The following ARMH3 variants were observed in gnomAD, a reference collection of about 807,000 sequenced individuals.
The protein encoded by ARMH3 is armadillo-like helical domain-containing protein 3.
In ARMH3, 60 loss-of-function variants were observed where a neutral mutation model predicts 99.1. The observed-to-expected ratio is 0.61, with a 90% CI of 0.49 to 0.75. ARMH3 has a LOEUF of 0.75. ARMH3 is among the 30% of genes least tolerant of loss of function. The pLI is 0.00. For missense variants in ARMH3, 679 were observed against 843.1 expected, an observed-to-expected ratio of 0.81 and a Z score of 2.41; for synonymous variants, 285 against 292.8, an observed-to-expected ratio of 0.97 and a Z score of 0.27.
At chr10:101,936,846 C>T (rs1844002680) in intron 23 of ARMH3, among the ~76,000 whole-genome samples, 1 of 152,166 alleles carries the variant, frequency 6.6e-6, no homozygotes, top group Admixed American at 6.5e-5. Flanking sequence ...GGAATTCTGA[C>T]ACATGCTACA....
intron 19 of ARMH3, among the ~76,000 whole-genome samples, chr10:101,978,785 C>CA (rs1464606469): frequency 6.6e-6 from 1 of 151,832 alleles, no homozygotes. Flanking sequence ...ACTAAAAATA[C>CA]AAAAAATTAG....
chr10:101,876,756 A>G (rs770835378), intron 24 of ARMH3, among the ~76,000 whole-genome samples: 13 of 152,332 alleles, frequency 8.5e-5, no homozygotes, highest in South Asian at 6.2e-4. Context: ...TGCAGTGGAA[A>G]CAAAAAGAAC....
At chr10:101,906,046 A>G (rs549353210) in intron 23 of ARMH3, among the ~76,000 whole-genome samples, 8 of 152,286 alleles carry the variant, frequency 5.3e-5, no homozygotes, top group African/African-American at 1.4e-4. Context: ...CTTACTTTTT[A>G]ATGAATATTA....
In ARMH3 at chr10:101,853,749, A is replaced by G. The variant is rs115649765; in HGVS notation, c.1861-3857T>C. Among the ~76,000 whole-genome samples, 1,108 of 152,262 alleles carry G rather than the reference A, an allele frequency of 7.3e-3. 11 individuals are homozygous for G. The highest frequency in any genetic ancestry group is 0.025 in the African/African-American group (1,054 of 41,550). ...TCACCTACAGGTCACATGCTCTCCA[A>G]GGAATCCTCACACCACCACCTATGA... is the stretch of plus-strand genomic sequence containing the variant. On this transcript the variant is annotated intron_variant, in intron 24 of 25. Transcript: ENST00000370033.
At chr10:102,048,075 C>G (rs1293988224) in intron 1 of ARMH3, among the ~76,000 whole-genome samples, 2 of 152,210 alleles carry the variant, frequency 1.3e-5, no homozygotes, top group Non-Finnish European at 2.9e-5. Flanking sequence ...TTGAGAAGTA[C>G]TCATCCCAGC....
chr10:101,917,845 G>A (rs1046503405), intron 23 of ARMH3, among the ~76,000 whole-genome samples: 2 of 152,096 alleles, frequency 1.3e-5, no homozygotes, highest in Non-Finnish European at 2.9e-5. Context: ...TAATACAAAT[G>A]CTAAATATGC....
At chr10:101,914,644 T>C (rs1180056251) in intron 23 of ARMH3, among the ~76,000 whole-genome samples, 19 of 151,446 alleles carry the variant, frequency 1.3e-4, no homozygotes, top group Non-Finnish European at 1.0e-4. Flanking sequence ...GGCAGGTGGA[T>C]CACCTTAGAT....
At chr10:101,949,792 A>G (rs1189399137) in intron 22 of ARMH3, among the ~76,000 whole-genome samples, 1 of 152,130 alleles carries the variant, frequency 6.6e-6, no homozygotes, top group Non-Finnish European at 1.5e-5. Context: ...AGACCAATAT[A>G]CCTCATGAAT....
chr10:101,859,679 C>T (rs1295435013), intron 24 of ARMH3, among the ~76,000 whole-genome samples: 5 of 152,182 alleles, frequency 3.3e-5, no homozygotes, highest in African/African-American at 1.2e-4. Context: ...AGATAACTGT[C>T]CAAAACAATC....
At chr10:101,911,409 G>A (rs1303317818) in intron 23 of ARMH3, among the ~76,000 whole-genome samples, 2 of 152,196 alleles carry the variant, frequency 1.3e-5, no homozygotes, top group Non-Finnish European at 2.9e-5. Flanking sequence ...GTGCCAGAAA[G>A]CAAGAAGGCT....
At chr10:101,910,261 A>G (rs577851199) in intron 23 of ARMH3, among the ~76,000 whole-genome samples, 1 of 152,356 alleles carries the variant, frequency 6.6e-6, no homozygotes, top group South Asian at 2.1e-4. Flanking sequence ...CAAGGGGAAC[A>G]AGCTTTTCCC....
intron 23 of ARMH3, among the ~76,000 whole-genome samples, chr10:101,900,094 T>C (rs568713622): frequency 6.0e-4 from 91 of 152,284 alleles, no homozygotes; most frequent in African/African-American, 2.1e-3. Context: ...GAAAAGAGGC[T>C]CCAAAACTTT....
At chr10:101,879,161 GAC>G (rs2067346551) in intron 24 of ARMH3, among the ~76,000 whole-genome samples, 2 of 152,064 alleles carry the variant, frequency 1.3e-5, no homozygotes, top group South Asian at 4.2e-4. Flanking sequence ...CAGAATATCT[GAC>G]ACACTTAGGT....
At chr10:101,889,055 T>A (rs1239505826) in intron 24 of ARMH3, among the ~76,000 whole-genome samples, 1 of 152,244 alleles carries the variant, frequency 6.6e-6, no homozygotes, top group African/African-American at 2.4e-5. Flanking sequence ...AGGGTTTTTC[T>A]AATTGGCAGT....
chr10:102,019,025 T>A (rs1247578193), intron 8 of ARMH3, among the ~76,000 whole-genome samples: 1 of 152,030 alleles, frequency 6.6e-6, no homozygotes, highest in African/African-American at 2.4e-5. Flanking sequence ...TAAACGACTA[T>A]GTTACTGGTT....
At chr10:101,850,142 G>A (rs2066560435) in intron 24 of ARMH3, among the ~76,000 whole-genome samples, 1 of 138,398 alleles carries the variant, frequency 7.2e-6, no homozygotes, top group African/African-American at 2.7e-5. Flanking sequence ...CTGTCGCTCA[G>A]GCTGGAGTAC....
chr10:101,888,153 A>G (rs951519205), intron 24 of ARMH3, among the ~76,000 whole-genome samples: 2 of 151,808 alleles, frequency 1.3e-5, no homozygotes, highest in Non-Finnish European at 2.9e-5. Flanking sequence ...CATAAAACTC[A>G]AGATGTTGAA....
At chr10:101,963,886 T>A (rs1845421522) in intron 20 of ARMH3, among the ~76,000 whole-genome samples, 1 of 150,906 alleles carries the variant, frequency 6.6e-6, no homozygotes, top group African/African-American at 2.4e-5. Context: ...TTCTTTTTTT[T>A]TTTTTTTTGA....
chr10:102,009,319 TA>T, intron 13 of ARMH3, 54 bp downstream of exon 13: 1 of 1,488,678 alleles, frequency 6.7e-7, no homozygotes, highest in South Asian at 1.1e-5. Context: ...TCAATGGAAT[TA>T]ATCGGTATGA....
Sources: gnomAD v4.1 joint callset for allele counts (sites outside exome capture counted in the v4.1 genomes callset) on GRCh38, gnomAD v4.1.1 for gene constraint, MANE v1.5 for transcripts, NCBI Gene and HGNC (gene_info 2026-07-23, HGNC 2026-07-21) for gene names.